Variants in GRIK2 observed in about 807,000 individuals in gnomAD.
GRIK2 encodes glutamate ionotropic receptor kainate type subunit 2.
A neutral mutation model predicts 100.3 loss-of-function variants in GRIK2; 32 were observed. That is an observed-to-expected ratio of 0.32 (90% CI 0.24 to 0.43). GRIK2 has a LOEUF of 0.43. Ranked by LOEUF, GRIK2 falls within the 20% of genes least tolerant of loss-of-function variation. GRIK2 has a pLI of 1.00. For missense variants in GRIK2, 843 were observed against 1,114.9 expected (o/e 0.76, Z 3.47); for synonymous variants, 417 against 389.4 (o/e 1.07, Z -0.83).
chr6:101,660,459 T>A (rs1342580598), intron 4 of GRIK2, among the ~76,000 whole-genome samples: 1 of 152,204 alleles, frequency 6.6e-6, no homozygotes, highest in African/African-American at 2.4e-5. Flanking sequence ...ACCCACCTTC[T>A]GAAGCCTACT....
chr6:102,001,339 A>G (rs1185919442), intron 14 of GRIK2, among the ~76,000 whole-genome samples: 2 of 151,880 alleles, frequency 1.3e-5, no homozygotes, highest in African/African-American at 4.8e-5. Context: ...TATTTGTCCC[A>G]ATGCTCTCCC....
chr6:101,934,198 A>G (rs1433910180), intron 14 of GRIK2, among the ~76,000 whole-genome samples: 2 of 151,952 alleles, frequency 1.3e-5, no homozygotes, highest in African/African-American at 4.8e-5. Context: ...CAAGGAATGC[A>G]TAGTATCACA....
At chr6:101,470,260 T>G (rs1483983119) in intron 2 of GRIK2, among the ~76,000 whole-genome samples, 1 of 152,230 alleles carries the variant, frequency 6.6e-6, no homozygotes, top group African/African-American at 2.4e-5. Context: ...TGGGATCTCC[T>G]TAATGGTGGA....
intron 12 of GRIK2, among the ~76,000 whole-genome samples, chr6:101,902,539 G>T (rs1176027350): frequency 1.3e-5 from 2 of 151,888 alleles, no homozygotes; most frequent in East Asian, 3.9e-4. Flanking sequence ...TAACATTTTT[G>T]AGTTAACTGT....
intron 7 of GRIK2, among the ~76,000 whole-genome samples, chr6:101,697,864 G>A (rs74567160): frequency 0.049 from 7,490 of 151,998 alleles, 239 homozygotes; most frequent in East Asian, 0.13. Flanking sequence ...CATAACTCTG[G>A]CACCACTTGA....
intron 7 of GRIK2, among the ~76,000 whole-genome samples, chr6:101,720,096 T>C (rs1423922909): frequency 6.6e-6 from 1 of 151,988 alleles, no homozygotes; most frequent in African/African-American, 2.4e-5. Flanking sequence ...ATTTCGTTTT[T>C]TTTTCTTTCT....
chr6:101,458,037 A>G (rs1771101919), intron 2 of GRIK2, among the ~76,000 whole-genome samples: 1 of 152,170 alleles, frequency 6.6e-6, no homozygotes. Flanking sequence ...CTTGTTGAAA[A>G]ATAAGTATTC....
At chr6:101,695,276 C>T (rs1772398498) in intron 7 of GRIK2, among the ~76,000 whole-genome samples, 1 of 152,002 alleles carries the variant, frequency 6.6e-6, no homozygotes, top group Non-Finnish European at 1.5e-5. Context: ...GTGGGAGAAA[C>T]CAAAGGGCAA....
chr6:101,567,016 T>C (rs619975), intron 2 of GRIK2, among the ~76,000 whole-genome samples: 29,466 of 151,064 alleles, frequency 0.2, 5,021 homozygotes, highest in African/African-American at 0.46. Flanking sequence ...TAAAAATTTC[T>C]TTGGGAGACA....
At chr6:101,963,509 C>CTTTTTTTTTTTTTT (rs770178884) in intron 14 of GRIK2, among the ~76,000 whole-genome samples, 72 of 106,100 alleles carry the variant, frequency 6.8e-4, no homozygotes, top group African/African-American at 1.6e-3. Context: ...TTCTTTCTTT[C>CTTTTTTTTTTTTTT]TTTTTTTTTT....
chr6:101,594,624 C>T (rs1317118608), intron 2 of GRIK2, among the ~76,000 whole-genome samples: 1 of 151,438 alleles, frequency 6.6e-6, no homozygotes, highest in Non-Finnish European at 1.5e-5. Flanking sequence ...AATCCCTTAC[C>T]AAAAAGACCT....
chr6:101,535,012 A>G (rs898138022), intron 2 of GRIK2, among the ~76,000 whole-genome samples: 5 of 151,744 alleles, frequency 3.3e-5, no homozygotes, highest in Admixed American at 2.0e-4. Context: ...GCTCTGTGCT[A>G]CATCATTAAC....
intron 15 of GRIK2, among the ~76,000 whole-genome samples, chr6:102,041,490 C>T (rs1770570646): frequency 6.6e-6 from 1 of 151,482 alleles, no homozygotes; most frequent in Admixed American, 6.6e-5. Flanking sequence ...AAATACCAAA[C>T]CCAAATGCTT....
chr6:101,569,744 T>C (rs1335681703), intron 2 of GRIK2, among the ~76,000 whole-genome samples: 1 of 152,074 alleles, frequency 6.6e-6, no homozygotes, highest in Non-Finnish European at 1.5e-5. Context: ...TAGATATTAA[T>C]TAGAGTACAT....
chr6:101,825,539 T>C (rs1782265699), intron 10 of GRIK2, among the ~76,000 whole-genome samples: 1 of 152,070 alleles, frequency 6.6e-6, no homozygotes, highest in Non-Finnish European at 1.5e-5. Flanking sequence ...TTACTTCATA[T>C]ACACATTCTT....
intron 2 of GRIK2, among the ~76,000 whole-genome samples, chr6:101,411,408 A>G (rs115556311): frequency 0.014 from 2,176 of 152,210 alleles, 52 homozygotes; most frequent in African/African-American, 0.05. Flanking sequence ...TAGAAATTCT[A>G]TAGTTTAATA....
At chr6:101,559,823 C>T (rs1776917379) in intron 2 of GRIK2, among the ~76,000 whole-genome samples, 1 of 150,980 alleles carries the variant, frequency 6.6e-6, no homozygotes, top group Admixed American at 6.6e-5. Context: ...GCTGGTTTTA[C>T]TTACTTCATA....
chr6:101,901,130 A>G (rs1267687318), intron 12 of GRIK2, among the ~76,000 whole-genome samples: 1 of 152,074 alleles, frequency 6.6e-6, no homozygotes, highest in South Asian at 2.1e-4. Context: ...CTACTTTTTA[A>G]GTTTGGTATT....
intron 14 of GRIK2, among the ~76,000 whole-genome samples, chr6:102,012,113 T>C (rs1795577399): frequency 6.6e-6 from 1 of 152,200 alleles, no homozygotes; most frequent in Non-Finnish European, 1.5e-5. Context: ...TATTTGCTCC[T>C]TTGTATTGCC....
Sources: gnomAD v4.1 joint callset for allele counts (sites outside exome capture counted in the v4.1 genomes callset) on GRCh38, gnomAD v4.1.1 for gene constraint, MANE v1.5 for transcripts, NCBI Gene and HGNC (gene_info 2026-07-23, HGNC 2026-07-21) for gene names.